CRACR2A: variants seen among roughly 807,000 people sequenced by gnomAD.
CRACR2A encodes calcium release activated channel regulator 2A.
Under a neutral mutation model 90.5 loss-of-function variants are expected in CRACR2A, and 79 were observed. That is an observed-to-expected ratio of 0.87 (90% confidence interval 0.73 to 1.05). CRACR2A has a LOEUF of 1.05. Ranked by LOEUF, CRACR2A falls within the 50% of genes least tolerant of loss-of-function variation. The pLI is 0.00. For missense variants in CRACR2A, 823 were observed against 897.2 expected, an observed-to-expected ratio of 0.92 and a Z score of 1.06; for synonymous variants, 338 against 356.7, an observed-to-expected ratio of 0.95 and a Z score of 0.59.
At chr12:3,676,279 A>AAC (rs1438661090) in intron 6 of CRACR2A, among the ~76,000 whole-genome samples, 13 of 152,110 alleles carry the variant, frequency 8.5e-5, no homozygotes, top group Admixed American at 5.2e-4. Context: ...CCAGCCCCAC[A>AAC]ACACACACAC....
intron 7 of CRACR2A, among the ~76,000 whole-genome samples, chr12:3,664,055 A>G (rs1945085634): frequency 6.6e-6 from 1 of 152,238 alleles, no homozygotes; most frequent in Admixed American, 6.5e-5. Flanking sequence ...ATGACCTTCC[A>G]AGTTTCATTG....
chr12:3,657,575 A>AACC (rs1306071885), intron 8 of CRACR2A, among the ~76,000 whole-genome samples: 1 of 151,916 alleles, frequency 6.6e-6, no homozygotes, highest in Non-Finnish European at 1.5e-5. Context: ...TGGGCAGAAG[A>AACC]ACCACTGGGA....
At chr12:3,717,712 A>G (rs918715557) in intron 2 of CRACR2A, among the ~76,000 whole-genome samples, 7 of 152,232 alleles carry the variant, frequency 4.6e-5, no homozygotes, top group African/African-American at 1.2e-4. Context: ...AGATTACGCT[A>G]TCTTATTTGT....
At chr12:3,629,721 G>A (rs1186799805) in intron 15 of CRACR2A, among the ~76,000 whole-genome samples, 3 of 152,138 alleles carry the variant, frequency 2.0e-5, no homozygotes, top group Admixed American at 2.0e-4. Flanking sequence ...TCTGTGCTGT[G>A]GTGAGCTTGG....
At chr12:3,640,372 T>C (rs1944542707) in intron 13 of CRACR2A, 3 of 562,724 alleles carry the variant, frequency 5.3e-6, no homozygotes, top group African/African-American at 2.0e-5. Context: ...TCACACATAG[T>C]AGACACTCAA....
intron 7 of CRACR2A, among the ~76,000 whole-genome samples, chr12:3,666,526 G>GA (rs1945154445): frequency 6.6e-6 from 1 of 152,220 alleles, no homozygotes; most frequent in Admixed American, 6.5e-5. Context: ...GAGGCCTTTA[G>GA]AGATAATTTG....
At position 3,637,952 on chromosome 12, in the gene CRACR2A, G is replaced by A. The variant is rs188775896; in HGVS notation, c.1602+172C>T. On this transcript the variant is annotated intron_variant, in intron 14 of 19. Transcript: ENST00000440314. The stretch of plus-strand genomic sequence containing the variant: ...TTTATCAGGACCCCTGAGTCTCCCC[G>A]CATGACACTCAGCTAAGCAGGGGAA... 2.7e-3 allele frequency among the ~76,000 whole-genome samples: 414 copies of A among 152,286 alleles called. 1 individual carries two copies. The highest frequency in any genetic ancestry group is 9.5e-3 in the African/African-American group (395 of 41,546).
intron 17 of CRACR2A, 100 bp downstream of exon 17, chr12:3,627,336 T>C (rs1276422538): frequency 1.1e-5 from 9 of 851,512 alleles, no homozygotes; most frequent in Non-Finnish European, 1.6e-5. Context: ...AAGTTCCGAA[T>C]CAGATTTTGA....
chr12:3,666,332 T>TGC (rs1945138993), intron 7 of CRACR2A, among the ~76,000 whole-genome samples: 53 of 114,974 alleles, frequency 4.6e-4, no homozygotes, highest in African/African-American at 1.5e-3. Context: ...GACGGCTGCG[T>TGC]GTGTGTGTGT....
At chr12:3,695,067 A>G (rs765797154) in intron 4 of CRACR2A, among the ~76,000 whole-genome samples, 3 of 152,216 alleles carry the variant, frequency 2.0e-5, no homozygotes, top group Non-Finnish European at 2.9e-5. Flanking sequence ...TCATCCCTTC[A>G]TTAAAGAGTG....
At chr12:3,670,029 T>C in intron 7 of CRACR2A, among the ~76,000 whole-genome samples, 1 of 152,240 alleles carries the variant, frequency 6.6e-6, no homozygotes, top group Non-Finnish European at 1.5e-5. Context: ...GTCTGTCTTG[T>C]GCAGAATTTC....
At chr12:3,733,962 C>A (rs1166271962) in intron 1 of CRACR2A, among the ~76,000 whole-genome samples, 3 of 123,528 alleles carry the variant, frequency 2.4e-5, no homozygotes, top group East Asian at 4.9e-4. Context: ...AGACTGGACA[C>A]ATTTTGCCTT....
chr12:3,706,805 C>T (rs1252594055), intron 3 of CRACR2A, among the ~76,000 whole-genome samples: 1 of 152,058 alleles, frequency 6.6e-6, no homozygotes, highest in African/African-American at 2.4e-5. Context: ...GGTTTCACCA[C>T]GTTGGCCAGG....
intron 3 of CRACR2A, among the ~76,000 whole-genome samples, chr12:3,712,529 T>G (rs1946020760): frequency 6.6e-6 from 1 of 151,952 alleles, no homozygotes; most frequent in Non-Finnish European, 1.5e-5. Flanking sequence ...TGACCAGATA[T>G]CATGAGAACT....
At chr12:3,718,804 T>C (rs1946115733) in intron 2 of CRACR2A, among the ~76,000 whole-genome samples, 1 of 152,186 alleles carries the variant, frequency 6.6e-6, no homozygotes, top group South Asian at 2.1e-4. Flanking sequence ...TGAAGGCAGG[T>C]GTCTCTTTGG....
chr12:3,683,867 G>A (rs1443034334), intron 4 of CRACR2A, among the ~76,000 whole-genome samples: 1 of 152,166 alleles, frequency 6.6e-6, no homozygotes, highest in Non-Finnish European at 1.5e-5. Flanking sequence ...CAGAGTGCTG[G>A]TCTAGACCTC....
intron 7 of CRACR2A, among the ~76,000 whole-genome samples, chr12:3,661,000 A>G (rs1945023459): frequency 6.6e-6 from 1 of 152,184 alleles, no homozygotes. Context: ...AAGAGGTACT[A>G]GGAAGATTTC....
chr12:3,658,407 T>C (rs2137491645), intron 8 of CRACR2A, among the ~76,000 whole-genome samples: 1 of 152,280 alleles, frequency 6.6e-6, no homozygotes, highest in Non-Finnish European at 1.5e-5. Context: ...GGGGAGCTGC[T>C]GTTCTCAGGA....
At position 3,673,518 on chromosome 12, in the gene CRACR2A, A is replaced by T; in HGVS notation, c.599T>A (p.Phe200Tyr). ...GAGCTGGGAGATGATTCTGGTCAGG[A>T]AGTCTTCAAAGTTGGACAGTAAATG... is the stretch of plus-strand genomic sequence containing the variant. ...EPHLLSNFED[F>Y]LTRIISQLQE... The change falls in exon 7 of 20, where the codon TTC becomes TAC. Residue 200 changes from phenylalanine to tyrosine, a missense_variant. By Grantham distance (22) the Phe-to-Tyr change is conservative. Transcript: ENST00000440314. 1 of 1,614,136 alleles carries T rather than the reference A, an allele frequency of 6.2e-7. No homozygotes were observed. Among genetic ancestry groups the T allele is most frequent in the Non-Finnish European group, 8.5e-7 (1 of 1,180,026 alleles).
Sources: gnomAD v4.1 joint callset for allele counts (sites outside exome capture counted in the v4.1 genomes callset) on GRCh38, gnomAD v4.1.1 for gene constraint, MANE v1.5 for transcripts, NCBI Gene and HGNC (gene_info 2026-07-23, HGNC 2026-07-21) for gene names.